GRK3: variants seen among roughly 807,000 people sequenced by gnomAD.
GRK3 encodes G protein-coupled receptor kinase 3.
GRK3 carries 54 observed loss-of-function variants against 95.7 expected under a neutral mutation model. The ratio of observed to expected loss-of-function variants is 0.56; its 90% CI spans 0.45 to 0.71. The LOEUF is 0.71. GRK3 is among the 30% of genes least tolerant of loss of function. The pLI, the probability that GRK3 is intolerant of heterozygous loss-of-function variation, is 0.00. For synonymous variants in GRK3, 281 were observed against 290.8 expected (o/e 0.97, Z 0.34); for missense variants, 649 against 851.2 (o/e 0.76, Z 2.96).
intron 6 of GRK3, among the ~76,000 whole-genome samples, chr22:25,668,215 T>C (rs1270923433): frequency 6.6e-6 from 1 of 152,222 alleles, no homozygotes; most frequent in Non-Finnish European, 1.5e-5. Flanking sequence ...AGGACATAGG[T>C]CAATGTCTGT....
chr22:25,690,284 G>T lies in GRK3; in HGVS notation c.1052+1G>T. ...CCAAAAAGAAGCCTCATGCGAGTGT[G>T]TAAGTAGTGCGTCAACTTCAGTTCA... On this transcript the variant is annotated splice_donor_variant, in intron 12 of 20. Transcript: ENST00000324198. LOFTEE classifies it high-confidence loss of function. The T allele has an allele frequency of 6.2e-7, 1 of 1,610,158 alleles. No individual in the cohort carries two copies. The highest frequency in any genetic ancestry group is 8.5e-7 in the Non-Finnish European group (1 of 1,176,488).
At chr22:25,602,896 CA>C (rs1182391701) in intron 1 of GRK3, among the ~76,000 whole-genome samples, 3 of 152,112 alleles carry the variant, frequency 2.0e-5, no homozygotes, top group Non-Finnish European at 4.4e-5. Context: ...ATATGTTTGT[CA>C]AAAGCACATT....
At chr22:25,698,696 C>T (rs1310200018) in intron 13 of GRK3, among the ~76,000 whole-genome samples, 6 of 152,052 alleles carry the variant, frequency 3.9e-5, no homozygotes, top group South Asian at 2.1e-4. Flanking sequence ...AGCTTTTCAG[C>T]GGAGCAGTGG....
chr22:25,669,190 G>A (rs550943366), intron 6 of GRK3, among the ~76,000 whole-genome samples: 31 of 152,202 alleles, frequency 2.0e-4, no homozygotes, highest in African/African-American at 6.7e-4. Context: ...CTGGGCACAC[G>A]AAGGGCCCCA....
At chr22:25,592,912 A>G (rs909182803) in intron 1 of GRK3, among the ~76,000 whole-genome samples, 14 of 152,050 alleles carry the variant, frequency 9.2e-5, no homozygotes, top group Non-Finnish European at 1.5e-5. Context: ...AACATGTGGT[A>G]TTTGGTTTTC....
intron 14 of GRK3, 95 bp from the exon 15 acceptor site, chr22:25,704,014 C>A: frequency 2.3e-6 from 2 of 864,238 alleles, no homozygotes; most frequent in Non-Finnish European, 3.7e-6. Flanking sequence ...ATTTTTAATA[C>A]TATGCTTATC....
Position 25,606,560 on chromosome 22 carries a change from G to C in GRK3, c.190+2107G>C, listed in dbSNP as rs569324783. Among the ~76,000 whole-genome samples the C allele has an allele frequency of 9.9e-5, 15 of 152,160 alleles. No homozygotes were observed. In the East Asian group the frequency reaches 2.7e-3, roughly 27 times the overall value. On this transcript the variant is annotated intron_variant, in intron 2 of 20. Coordinates refer to ENST00000324198, the MANE Select transcript of GRK3 (RefSeq NM_005160.4). The stretch of plus-strand genomic sequence containing the variant: ...GCGCCTTCCATCACTGACTCCATGC[G>C]TTCCTGCCCTACTCTTTCCCTTCTC...
intron 2 of GRK3, among the ~76,000 whole-genome samples, chr22:25,615,250 T>C (rs1296967951): frequency 6.6e-6 from 1 of 152,164 alleles, no homozygotes; most frequent in African/African-American, 2.4e-5. Flanking sequence ...TATTAGCAAA[T>C]GTGGGATCTT....
intron 1 of GRK3, among the ~76,000 whole-genome samples, chr22:25,568,923 A>G (rs546785334): frequency 2.0e-5 from 3 of 152,354 alleles, no homozygotes; most frequent in East Asian, 3.9e-4. Flanking sequence ...CATAGTCTCC[A>G]TGGTGATATG....
chr22:25,699,582 G>T (rs997011389), intron 13 of GRK3, among the ~76,000 whole-genome samples: 1 of 152,160 alleles, frequency 6.6e-6, no homozygotes, highest in African/African-American at 2.4e-5. Context: ...AGTGCCGAGG[G>T]TGAGGACCAC....
chr22:25,637,124 C>T (rs1464975632), intron 2 of GRK3, among the ~76,000 whole-genome samples: 1 of 152,094 alleles, frequency 6.6e-6, no homozygotes, highest in Admixed American at 6.6e-5. Context: ...CTTCTCCTGC[C>T]CTTGGACATT....
intron 18 of GRK3, among the ~76,000 whole-genome samples, chr22:25,715,731 G>C (rs1275809125): frequency 6.6e-6 from 1 of 152,112 alleles, no homozygotes; most frequent in Admixed American, 6.5e-5. Context: ...TCTGAGCAAA[G>C]ACCCTTGCAA....
rs2085457847 is a variant in GRK3 at position 25,724,340 on chromosome 22, C to T, written c.*1890C>T. ...GATAAAGGGCCTGCTGTTGACTCCA[C>T]CAGGGTCTGGGCTTAGCGTCTAATA... On this transcript the variant is annotated 3_prime_UTR_variant, in exon 21 of 21. Coordinates refer to ENST00000324198, the MANE Select transcript of GRK3 (RefSeq NM_005160.4). 2 of 152,210 alleles carry T rather than the reference C, an allele frequency of 1.3e-5. No individual in the cohort carries two copies. Among genetic ancestry groups the T allele is most frequent in the Non-Finnish European group, 2.9e-5 (2 of 68,070 alleles). 9.4% of individuals were successfully genotyped at this position (152,210 alleles called of 1,614,324 possible). A position where few individuals can be genotyped will look rare whatever the true frequency, so the allele number is the denominator to read the frequency against.
rs1301055492 is a variant in GRK3 at position 25,723,821 on chromosome 22, C to T, written c.*1371C>T. 2 of 151,938 alleles carry T rather than the reference C, an allele frequency of 1.3e-5. No homozygotes were observed. The highest frequency in any genetic ancestry group is 6.6e-5 in the Admixed American group (1 of 15,248). The allele number at this position is 151,938 out of a possible 1,614,324, so 9.4% of individuals were successfully genotyped here. On this transcript the variant is annotated 3_prime_UTR_variant, in exon 21 of 21. Coordinates refer to ENST00000324198, the MANE Select transcript of GRK3 (RefSeq NM_005160.4). ...CCTGTCCTTGATATTTTTAGCAGTT[C>T]CAAATCTTTGTTTTTGTATTTGTTT...
chr22:25,569,580 G>A (rs986242945), intron 1 of GRK3, among the ~76,000 whole-genome samples: 6 of 152,170 alleles, frequency 3.9e-5, no homozygotes, highest in African/African-American at 1.4e-4. Flanking sequence ...TTTGGACAAG[G>A]GTGGAAACTA....
intron 4 of GRK3, among the ~76,000 whole-genome samples, chr22:25,663,201 T>A (rs1469748299): frequency 2.0e-5 from 3 of 152,140 alleles, no homozygotes; most frequent in South Asian, 2.1e-4. Flanking sequence ...TTTATTTTTA[T>A]CTTTATGGAA....
chr22:25,655,469 T>C lies in GRK3; in HGVS notation c.265-6107T>C, dbSNP rs79340467. Reference sequence around the variant, plus strand: ...CAATATGGAAAATTTCTACATTTTCTAGCAAGTCTGTTTGTGCAGCTATTT... The same window carrying C: ...CAATATGGAAAATTTCTACATTTTCCAGCAAGTCTGTTTGTGCAGCTATTT... On this transcript the variant is annotated intron_variant, in intron 3 of 20. Transcript: ENST00000324198. Among the ~76,000 whole-genome samples the C allele has an allele frequency of 1.1e-4, 16 of 152,350 alleles. No homozygotes were observed. In the East Asian group the frequency reaches 3.1e-3, roughly 29 times the overall value.
chr22:25,688,079 A>C (rs1207374457), intron 11 of GRK3, among the ~76,000 whole-genome samples: 1 of 152,066 alleles, frequency 6.6e-6, no homozygotes, highest in South Asian at 2.1e-4. Flanking sequence ...TACTAAAAAT[A>C]CAAAAAATTA....
At chr22:25,682,614 A>G (rs961145550) in intron 9 of GRK3, among the ~76,000 whole-genome samples, 1 of 152,224 alleles carries the variant, frequency 6.6e-6, no homozygotes, top group African/African-American at 2.4e-5. Context: ...AGATATAGAC[A>G]ATCTAGGCCA....
Sources: allele counts gnomAD v4.1 joint callset (sites outside exome capture counted in the v4.1 genomes callset), GRCh38; gene constraint gnomAD v4.1.1; transcripts MANE v1.5; gene names NCBI Gene and HGNC (gene_info 2026-07-23, HGNC 2026-07-21).